RPH3AL: variants seen among roughly 807,000 people sequenced by gnomAD.
RPH3AL encodes rabphilin 3A like (without C2 domains), also known as rab effector Noc2.
In RPH3AL, 38 loss-of-function variants were observed where a neutral mutation model predicts 43.1. The ratio of observed to expected loss-of-function variants is 0.88; its 90% CI spans 0.68 to 1.15. RPH3AL has a LOEUF of 1.15. Among genes scored for constraint, RPH3AL ranks in the 50% most tolerant of loss-of-function variants. The pLI, the probability that RPH3AL is intolerant of heterozygous loss-of-function variation, is 0.00. For synonymous variants in RPH3AL, 189 were observed against 176.3 expected, an observed-to-expected ratio of 1.07 and a Z score of -0.57; for missense variants, 462 against 423.2, an observed-to-expected ratio of 1.09 and a Z score of -0.81.
At chr17:278,744 G>C (rs891759944) in intron 6 of RPH3AL, among the ~76,000 whole-genome samples, 1 of 152,152 alleles carries the variant, frequency 6.6e-6, no homozygotes, top group Non-Finnish European at 1.5e-5. Flanking sequence ...CATTGGAAGA[G>C]CTATTTTGCC....
Position 319,474 on chromosome 17 carries a change from C to T in RPH3AL, c.297G>A (p.Gly99=), listed in dbSNP as rs777923487. The T allele has an allele frequency of 1.2e-6, 2 of 1,612,710 alleles. No individual in the cohort carries two copies. Among genetic ancestry groups the T allele is most frequent in the Admixed American group, 1.7e-5 (1 of 60,002 alleles). ...AGCTGCCCAGGAAGCCCAGCACCTC[C>T]CCGCAGAGCAGACACTGGGACAGGC... ...GNGLSQCLLC[G]EVLGFLGSSS... The change falls in exon 5 of 10, where the codon GGG becomes GGA. Residue 99 remains glycine (G), a synonymous_variant. Transcript: ENST00000331302.
intron 6 of RPH3AL, among the ~76,000 whole-genome samples, chr17:251,748 G>T (rs1209562958): frequency 6.6e-6 from 1 of 152,342 alleles, no homozygotes; most frequent in East Asian, 1.9e-4. Context: ...CGGGGGCCAT[G>T]GGGTGCCAGC....
At chr17:259,509 G>A (rs9907635) in intron 6 of RPH3AL, among the ~76,000 whole-genome samples, 7 of 151,854 alleles carry the variant, frequency 4.6e-5, no homozygotes, top group South Asian at 2.1e-4. Flanking sequence ...ACCCCTCCCC[G>A]CCCAGGAATA....
In RPH3AL at chr17:323,960, C is replaced by T. The variant is rs1157951613; in HGVS notation, c.78-2545G>A. Among the ~76,000 whole-genome samples the T allele has an allele frequency of 1.3e-5, 2 of 151,528 alleles. No homozygotes were observed. The highest frequency in any genetic ancestry group is 2.9e-5 in the Non-Finnish European group (2 of 67,864). On this transcript the variant is annotated intron_variant, in intron 3 of 9. Coordinates refer to ENST00000331302, the MANE Select transcript of RPH3AL (RefSeq NM_006987.4). The surrounding 1 kb of genome is among the most constrained non-coding windows in gnomAD (Gnocchi z 4.4). Reference sequence around the variant, plus strand: ...AGTCACCCCGAGAGGCAGGCCTGGACCCTCACAGTCATCCCACAAGGCAGG... The same window carrying T: ...AGTCACCCCGAGAGGCAGGCCTGGATCCTCACAGTCATCCCACAAGGCAGG...
At position 236,048 on chromosome 17, in the gene RPH3AL, G is replaced by C. The variant is rs551542758; in HGVS notation, c.613+11063C>G. On this transcript the variant is annotated intron_variant, in intron 7 of 9. Transcript: ENST00000331302. The stretch of plus-strand genomic sequence containing the variant: ...GGTGGCTCCGTACTAACAAGACGGG[G>C]GTCCCAGGTTCAAAGCTGGGGTCGG... 1.4e-4 allele frequency among the ~76,000 whole-genome samples: 20 copies of C among 143,932 alleles called. 2 individuals are homozygous for C. The highest frequency in any genetic ancestry group is 2.1e-4 in the Non-Finnish European group (14 of 66,722). 94.4% of individuals were successfully genotyped at this position (143,932 alleles called of 152,430 possible).
intron 7 of RPH3AL, among the ~76,000 whole-genome samples, chr17:243,450 A>G (rs1361481102): frequency 1.6e-5 from 2 of 126,350 alleles, no homozygotes; most frequent in Admixed American, 8.6e-5. Context: ...ACCTTCCTCT[A>G]TTGATTACCT....
chr17:320,228 G>A (rs1598124574), intron 4 of RPH3AL, among the ~76,000 whole-genome samples: 1 of 141,752 alleles, frequency 7.1e-6, no homozygotes, highest in Non-Finnish European at 1.5e-5. Context: ...AGGGGAGGGA[G>A]GGGGAGGGAC....
rs2044482421 is a variant in RPH3AL, at chr17:321,655, T to C, written c.78-240A>G. The C allele has an allele frequency of 1.7e-5, 8 of 459,590 alleles. No individual in the cohort carries two copies. The South Asian group carries it at 2.5e-4, about 14-fold the overall frequency. 28.5% of individuals were successfully genotyped at this position (459,590 alleles called of 1,614,324 possible). ...AGGTTCCGTGTGCCGGGGTTGGGAT[T>C]GCGGGCAACAGAGACGGGGCAGGTG... On this transcript the variant is annotated intron_variant, in intron 3 of 9. Coordinates refer to ENST00000331302, the MANE Select transcript of RPH3AL (RefSeq NM_006987.4).
Position 213,600 on chromosome 17 carries a change from G to C in RPH3AL, c.*252C>G. 5.2e-6 allele frequency: 3 copies of C among 574,996 alleles called. No individual in the cohort carries two copies. The South Asian group carries it at 6.1e-5, about 12-fold the overall frequency. 35.6% of individuals were successfully genotyped at this position (574,996 alleles called of 1,614,324 possible). A position where few individuals can be genotyped will look rare whatever the true frequency, so the allele number is the denominator to read the frequency against. ...CATCACCAGGTAGATTGGGGGTGTG[G>C]GAGGGGAGGGTAATAAATAAGGTCG... On this transcript the variant is annotated 3_prime_UTR_variant, in exon 10 of 10. Coordinates refer to ENST00000331302, the MANE Select transcript of RPH3AL (RefSeq NM_006987.4).
At chr17:326,022 C>T (rs1295154988) in intron 3 of RPH3AL, among the ~76,000 whole-genome samples, 1 of 152,226 alleles carries the variant, frequency 6.6e-6, no homozygotes, top group African/African-American at 2.4e-5. Context: ...TCAGGGAGAG[C>T]TGAAGGGAAC....
At chr17:315,176 T>C (rs147304457) in intron 5 of RPH3AL, among the ~76,000 whole-genome samples, 4,594 of 10,914 alleles carry the variant, frequency 0.42, 505 homozygotes, top group Non-Finnish European at 0.49. Context: ...CCCACCTCCA[T>C]TCACCTGTAG....
rs896026028 is a variant in RPH3AL at position 347,085 on chromosome 17, C to T, written c.-213+5627G>A. ...CATCCTGGCTAACATGGTGAAACCC[C>T]GTCTCTACTAAAAATACAAAAAATT... On this transcript the variant is annotated intron_variant, in intron 1 of 9. Coordinates refer to ENST00000331302, the MANE Select transcript of RPH3AL (RefSeq NM_006987.4). Among the ~76,000 whole-genome samples the T allele has an allele frequency of 1.6e-4, 22 of 134,020 alleles. 3 individuals carry two copies. Among genetic ancestry groups the T allele is most frequent in the African/African-American group, 5.1e-4 (20 of 39,174 alleles). The allele number at this position is 134,020 out of a possible 152,430, so 87.9% of individuals were successfully genotyped here.
At chr17:277,129 T>C (rs181153809) in intron 6 of RPH3AL, among the ~76,000 whole-genome samples, 1 of 152,276 alleles carries the variant, frequency 6.6e-6, no homozygotes, top group Non-Finnish European at 1.5e-5. Flanking sequence ...ATGCACACAG[T>C]AATAAGAGAA....
At chr17:216,417 AG>A (rs1491042901) in intron 8 of RPH3AL, among the ~76,000 whole-genome samples, 7 of 13,120 alleles carry the variant, frequency 5.3e-4, no homozygotes, top group African/African-American at 2.0e-3. Context: ...ACCTAATGAG[AG>A]AGAGATGTTG....
intron 5 of RPH3AL, among the ~76,000 whole-genome samples, chr17:307,339 TCCTCCCCGC>T (rs2043525338): frequency 3.9e-5 from 5 of 127,132 alleles, no homozygotes; most frequent in African/African-American, 1.6e-4. Flanking sequence ...CCACGGCAGG[TCCTCCCCGC>T]GGCAGGTCCA....
At position 225,163 on chromosome 17, in the gene RPH3AL, C is replaced by T. The variant is rs886102143; in HGVS notation, c.614-5427G>A. 6.6e-6 allele frequency among the ~76,000 whole-genome samples: 1 copy of T among 151,278 alleles called. No individual in the cohort carries two copies. Among genetic ancestry groups the T allele is most frequent in the Non-Finnish European group, 1.5e-5 (1 of 67,900 alleles). On this transcript the variant is annotated intron_variant, in intron 7 of 9. Transcript: ENST00000331302. This position sits in a 1 kb window ranked among gnomAD's most constrained non-coding sequence, Gnocchi z 4.4. ...GAGCATGGGATCAGGCCTGGCCTCT[C>T]CTTCCTCCATCTGCTCAGAGGCTCT... is the stretch of plus-strand genomic sequence containing the variant.
Position 327,555 on chromosome 17 carries a change from C to G in RPH3AL, c.-12G>C, listed in dbSNP as rs750077049. 6.2e-7 allele frequency: 1 copy of G among 1,613,216 alleles called. No individual in the cohort carries two copies. The highest frequency in any genetic ancestry group is 1.1e-5 in the South Asian group (1 of 91,064). On this transcript the variant is annotated 5_prime_UTR_variant, in exon 3 of 10. Coordinates refer to ENST00000331302, the MANE Select transcript of RPH3AL (RefSeq NM_006987.4). ...ATGGTGTCGGCCATGGCTCGGAGCA[C>G]CCGGCTGGGGGTGGGGAGTCACATC... is the stretch of plus-strand genomic sequence containing the variant.
chr17:272,554 A>G (rs988127701), intron 6 of RPH3AL, among the ~76,000 whole-genome samples: 1 of 135,638 alleles, frequency 7.4e-6, no homozygotes, highest in African/African-American at 2.8e-5. Context: ...GAATTGAACA[A>G]TGAGAACACA....
chr17:249,912 G>C (rs923305304), intron 6 of RPH3AL, among the ~76,000 whole-genome samples: 1 of 147,624 alleles, frequency 6.8e-6, no homozygotes, highest in Non-Finnish European at 1.5e-5. Flanking sequence ...GGACCTCTCA[G>C]AGCCTTTACT....
Sources: gnomAD v4.1 joint callset for allele counts (sites outside exome capture counted in the v4.1 genomes callset) on GRCh38, gnomAD v4.1.1 for gene constraint, Gnocchi (gnomAD v3.1) non-coding constraint, MANE v1.5 for transcripts, NCBI Gene and HGNC (gene_info 2026-07-23, HGNC 2026-07-21) for gene names.